The following DOP1B variants were observed in gnomAD, a reference collection of about 807,000 sequenced individuals.
DOP1B encodes the protein DOP1 leucine zipper like protein B.
A neutral mutation model predicts 233.5 loss-of-function variants in DOP1B; 174 were observed. The ratio of observed to expected loss-of-function variants is 0.75; its 90% confidence interval spans 0.66 to 0.85. The LOEUF is 0.85. Ranked by LOEUF, DOP1B falls within the 40% of genes least tolerant of loss-of-function variation. The pLI, the probability that DOP1B is intolerant of heterozygous loss-of-function variation, is 0.00. For synonymous variants in DOP1B, 1,190 were observed against 1,185.6 expected, an observed-to-expected ratio of 1.00 and a Z score of -0.08; for missense variants, 2,652 against 2,846.6, an observed-to-expected ratio of 0.93 and a Z score of 1.56.
At chr21:36,217,405 A>G (rs2066572501) in intron 9 of DOP1B, among the ~76,000 whole-genome samples, 1 of 152,184 alleles carries the variant, frequency 6.6e-6, no homozygotes, top group Non-Finnish European at 1.5e-5. Flanking sequence ...ACCCCAAGGT[A>G]GGTTCTCCCA....
intron 2 of DOP1B, chr21:36,169,268 G>T: frequency 2.4e-6 from 2 of 832,724 alleles, no homozygotes; most frequent in Non-Finnish European, 2.1e-6. Context: ...GTCATAGTCC[G>T]TGGAGGCATT....
chr21:36,270,552 CAAAAAAAA>C (rs398040600), intron 27 of DOP1B, among the ~76,000 whole-genome samples: 12 of 36,808 alleles, frequency 3.3e-4, no homozygotes, highest in East Asian at 1.0e-3. Flanking sequence ...GACTCCGTCT[CAAAAAAAA>C]AAAAAAAAAA....
rs541346557 is a variant in DOP1B at position 36,187,986 on chromosome 21, G to A, written c.139-11084G>A. 8.3e-4 allele frequency among the ~76,000 whole-genome samples: 126 copies of A among 152,136 alleles called. 1 individual carries two copies. The highest frequency in any genetic ancestry group is 2.9e-3 in the African/African-American group (120 of 41,492). On this transcript the variant is annotated intron_variant, in intron 2 of 36. Coordinates refer to ENST00000691173, the MANE Select transcript of DOP1B (RefSeq NM_001320714.2). ...AGTTCTACTCCTACTCAAGCAGCATGGTAATTTTAAGAAAATTTTAAAAGG... is the reference window on the plus strand; with the variant it reads ...AGTTCTACTCCTACTCAAGCAGCATAGTAATTTTAAGAAAATTTTAAAAGG...
intron 13 of DOP1B, 28 bp from the exon 14 acceptor site, chr21:36,230,422 A>G: frequency 6.3e-7 from 1 of 1,580,520 alleles, no homozygotes; most frequent in East Asian, 2.3e-5. Context: ...TAAGAGATGC[A>G]CAATTCACAT....
At chr21:36,219,079 A>G (rs749669490) in intron 9 of DOP1B, among the ~76,000 whole-genome samples, 4 of 152,196 alleles carry the variant, frequency 2.6e-5, no homozygotes, top group Non-Finnish European at 5.9e-5. Flanking sequence ...AATCAGCAGT[A>G]CAGGATCTGT....
chr21:36,206,333 C>T (rs1007989223), intron 4 of DOP1B, among the ~76,000 whole-genome samples: 7 of 152,046 alleles, frequency 4.6e-5, no homozygotes, highest in African/African-American at 1.5e-4. Context: ...AAGTTCAAGA[C>T]CAGCCTGGGC....
At chr21:36,224,253 G>A (rs75216230) in intron 11 of DOP1B, among the ~76,000 whole-genome samples, 2 of 151,288 alleles carry the variant, frequency 1.3e-5, no homozygotes, top group Non-Finnish European at 2.9e-5. Flanking sequence ...AGGTTCAAGC[G>A]ATCCTCCCAT....
In DOP1B at chr21:36,230,731, G is replaced by A. The variant is rs781432437; in HGVS notation, c.1947G>A (p.Ala649=). Residue 649 remains alanine (A), a synonymous_variant, in exon 14 of 37, where the codon GCG becomes GCA. Coordinates refer to ENST00000691173, the MANE Select transcript of DOP1B (RefSeq NM_001320714.2). Reference sequence around the variant, plus strand: ...ACATTTTTGGAGTACAGCTGACAGCGTCAGGAGAAGAAAGCAAGTCCGAGG... The same window carrying A: ...ACATTTTTGGAGTACAGCTGACAGCATCAGGAGAAGAAAGCAAGTCCGAGG... ...SKNIFGVQLT[A]SGEESKSEEP... 44 of 1,614,080 alleles carry A rather than the reference G, an allele frequency of 2.7e-5. 1 individual carries two copies. The highest frequency in any genetic ancestry group is 1.6e-4 in the Middle Eastern group (1 of 6,084).
chr21:36,225,072 G>T (rs1161187461), intron 11 of DOP1B, among the ~76,000 whole-genome samples: 6 of 152,110 alleles, frequency 3.9e-5, no homozygotes, highest in Admixed American at 2.0e-4. Context: ...GACACCAACA[G>T]ATTCAGGACA....
chr21:36,254,733 C>CTCTGCAGGTGTTG (rs56167502), intron 23 of DOP1B, among the ~76,000 whole-genome samples: 132,121 of 152,048 alleles, frequency 0.87, 57,788 homozygotes, highest in East Asian at 1. Context: ...TCAGGGGTCT[C>CTCTGCAGGTGTTG]GCAGGAACAA....
chr21:36,161,974 A>G (rs2065873426), intron 1 of DOP1B, among the ~76,000 whole-genome samples: 1 of 152,336 alleles, frequency 6.6e-6, no homozygotes, highest in South Asian at 2.1e-4. Context: ...CTTTGTGGAT[A>G]GACCATATTT....
At chr21:36,195,067 A>C (rs1178374908) in intron 2 of DOP1B, among the ~76,000 whole-genome samples, 1 of 152,064 alleles carries the variant, frequency 6.6e-6, no homozygotes, top group Non-Finnish European at 1.5e-5. Context: ...GATGCTGGGC[A>C]TGATGGCTCA....
At chr21:36,253,318 C>A (rs2123612813) in intron 22 of DOP1B, among the ~76,000 whole-genome samples, 1 of 152,352 alleles carries the variant, frequency 6.6e-6, no homozygotes, top group Non-Finnish European at 1.5e-5. Context: ...ACTATTACAG[C>A]CCCATCATGG....
At position 36,207,473 on chromosome 21, in the gene DOP1B, C is replaced by T. The variant is rs190474397; in HGVS notation, c.492-1242C>T. On this transcript the variant is annotated intron_variant, in intron 4 of 36. Transcript: ENST00000691173. The stretch of plus-strand genomic sequence containing the variant: ...GTGCTGGGATTACAGGCATGAGCCA[C>T]CACGCCCAGCCAAACAGTTTTTTTT... Among the ~76,000 whole-genome samples the T allele has an allele frequency of 2.6e-5, 4 of 151,154 alleles. No homozygotes were observed. The East Asian group carries it at 7.8e-4, about 29-fold the overall frequency.
Position 36,198,134 on chromosome 21 carries a change from T to G in DOP1B, c.139-936T>G, listed in dbSNP as rs2066314321. Reference sequence around the variant, plus strand: ...TCCCTGATAACATCAGACACTGTGTTATAAGATTAAGCCGGCCAGGCGCAG... The same window carrying G: ...TCCCTGATAACATCAGACACTGTGTGATAAGATTAAGCCGGCCAGGCGCAG... On this transcript the variant is annotated intron_variant, in intron 2 of 36. Transcript: ENST00000691173. Among the ~76,000 whole-genome samples the G allele has an allele frequency of 2.6e-5, 4 of 151,730 alleles. No homozygotes were observed. The South Asian group carries it at 8.3e-4, about 32-fold the overall frequency.
chr21:36,205,029 T>C (rs552855867), intron 4 of DOP1B, among the ~76,000 whole-genome samples: 1 of 152,208 alleles, frequency 6.6e-6, no homozygotes, highest in East Asian at 1.9e-4. Flanking sequence ...TTTTGCCCCC[T>C]CTTTAGCGCT....
chr21:36,261,104 C>T (rs1300850161), intron 24 of DOP1B: 1 of 1,003,288 alleles, frequency 1.0e-6, no homozygotes, highest in Non-Finnish European at 1.2e-6. Context: ...GTGGCTCACA[C>T]CTGCAATCCC....
chr21:36,203,801 G>A (rs2066399010), intron 4 of DOP1B, among the ~76,000 whole-genome samples: 1 of 151,722 alleles, frequency 6.6e-6, no homozygotes, highest in Non-Finnish European at 1.5e-5. Flanking sequence ...TTTGGCCCCT[G>A]TTAGAACTTA....
intron 15 of DOP1B, among the ~76,000 whole-genome samples, chr21:36,236,601 C>T (rs547516816): frequency 1.3e-5 from 2 of 152,228 alleles, no homozygotes; most frequent in East Asian, 3.9e-4. Context: ...AATGCTTCAA[C>T]CCCTTTGGTC....
Sources: gnomAD v4.1 joint callset for allele counts (sites outside exome capture counted in the v4.1 genomes callset) on GRCh38, gnomAD v4.1.1 for gene constraint, MANE v1.5 for transcripts, NCBI Gene and HGNC (gene_info 2026-07-23, HGNC 2026-07-21) for gene names.